The following TSPYL6 variants were observed in gnomAD, a reference collection of about 807,000 sequenced individuals.
TSPYL6 encodes testis-specific Y-encoded-like protein 6.
For synonymous variants in TSPYL6, 259 were observed against 214.8 expected (o/e 1.21, Z -1.80); for missense variants, 699 against 531.5 (o/e 1.32, Z -3.10).
At position 54,254,124 on chromosome 2, in the gene TSPYL6, C is replaced by G. The variant is rs532575055; in HGVS notation, c.*795G>C. On this transcript the variant is annotated 3_prime_UTR_variant, in exon 1 of 1. Coordinates refer to ENST00000317802, the MANE Select transcript of TSPYL6 (RefSeq NM_001003937.3). ...TTGTCAAGAACACCAACATATTAAC[C>G]TTGCCATGAGGATAGGGTCTGACAT... The G allele has an allele frequency of 1.3e-5, 2 of 152,314 alleles. No homozygotes were observed. The highest frequency in any genetic ancestry group is 3.9e-4 in the East Asian group (2 of 5,186). 9.4% of individuals were successfully genotyped at this position (152,314 alleles called of 1,614,324 possible). A position where few individuals can be genotyped will look rare whatever the true frequency, so the allele number is the denominator to read the frequency against.
At position 54,255,596 on chromosome 2, in the gene TSPYL6, C is replaced by G. The variant is rs202006037; in HGVS notation, c.556G>C (p.Glu186Gln). The G allele has an allele frequency of 1.4e-4, 227 of 1,613,622 alleles. No homozygotes were observed. The highest frequency in any genetic ancestry group is 7.0e-4 in the Admixed American group (42 of 60,010). Residue 186 changes from glutamate to glutamine, a missense_variant, in exon 1 of 1, where the codon GAG becomes CAG. Coordinates refer to ENST00000317802, the MANE Select transcript of TSPYL6 (RefSeq NM_001003937.3). ...ENRAIDEVNR[E>Q]AGPGPGPGPL... ...CCGGGCCCGGGCCCAGGCCCTGCCT[C>G]CCTGTTTACCTCATCTATTGCTCTG...
In TSPYL6 at chr2:54,254,061, G is replaced by A. The variant is rs1687362980; in HGVS notation, c.*858C>T. On this transcript the variant is annotated 3_prime_UTR_variant, in exon 1 of 1. Coordinates refer to ENST00000317802, the MANE Select transcript of TSPYL6 (RefSeq NM_001003937.3). ...AGGCAAATAAAGGTACCTAGATTTT[G>A]AATGAATCCACTGGTTGTGGCTGAG... 1 of 152,208 alleles carries A rather than the reference G, an allele frequency of 6.6e-6. No individual in the cohort carries two copies. Among genetic ancestry groups the A allele is most frequent in the South Asian group, 2.1e-4 (1 of 4,828 alleles). 9.4% of individuals were successfully genotyped at this position (152,208 alleles called of 1,614,324 possible).
At position 54,255,852 on chromosome 2, in the gene TSPYL6, C is replaced by G. The variant is rs6740641; in HGVS notation, c.300G>C (p.Ala100=). The G allele has an allele frequency of 3.5e-3, 5,650 of 1,613,852 alleles. 159 individuals are homozygous for G. The African/African-American group carries it at 0.063, about 18-fold the overall frequency. The change falls in exon 1 of 1, where the codon GCG becomes GCC. Residue 100 remains alanine (A), a synonymous_variant. Coordinates refer to ENST00000317802, the MANE Select transcript of TSPYL6 (RefSeq NM_001003937.3). ...VTPPPAEGLE[A]ASASLTTDGS... Reference sequence around the variant, plus strand: ...CGTCAGTTGTCAGCGAGGCAGAGGCCGCTTCTAGGCCCTCCGCGGGTGGTG... The same window carrying G: ...CGTCAGTTGTCAGCGAGGCAGAGGCGGCTTCTAGGCCCTCCGCGGGTGGTG...
rs1371311214 is a variant in TSPYL6 at position 54,255,074 on chromosome 2, G to C, written c.1078C>G (p.Pro360Ala). 2 of 1,614,024 alleles carry C rather than the reference G, an allele frequency of 1.2e-6. No homozygotes were observed. Among genetic ancestry groups the C allele is most frequent in the Admixed American group, 3.3e-5 (2 of 59,994 alleles). ...FFTWFSDHSL[P>A]ESDRIAQIIK... is the part of the protein sequence containing the mutation. The stretch of plus-strand genomic sequence containing the variant: ...ATCTGAGCAATCCTGTCGGACTCTG[G>C]AAGGCTGTGGTCTGAAAACCAGGTG... The change falls in exon 1 of 1, where the codon CCA becomes GCA. Residue 360 changes from proline (P) to alanine (A), a missense_variant. Transcript: ENST00000317802.
rs372726545 is a variant in TSPYL6 at position 54,255,240 on chromosome 2, G to A, written c.912C>T (p.Phe304=). The part of the protein sequence containing the change: ...FKFFFQRNPY[F]RNKLIVKVYE... Reference sequence around the variant, plus strand: ...ACACCTTTACAATCAGCTTGTTTCTGAAGTAAGGGTTTCTTTGAAAGAAGA... The same window carrying A: ...ACACCTTTACAATCAGCTTGTTTCTAAAGTAAGGGTTTCTTTGAAAGAAGA... The change falls in exon 1 of 1, where the codon TTC becomes TTT. Residue 304 remains phenylalanine, a synonymous_variant. Coordinates refer to ENST00000317802, the MANE Select transcript of TSPYL6 (RefSeq NM_001003937.3). 8.1e-6 allele frequency: 13 copies of A among 1,614,064 alleles called. No individual in the cohort carries two copies. Among genetic ancestry groups the A allele is most frequent in the African/African-American group, 8.0e-5 (6 of 74,918 alleles).
chr2:54,254,761 G>A lies in TSPYL6; in HGVS notation c.*158C>T. 1 of 672,976 alleles carries A rather than the reference G, an allele frequency of 1.5e-6. No homozygotes were observed. The highest frequency in any genetic ancestry group is 2.5e-6 in the Non-Finnish European group (1 of 405,300). The allele number at this position is 672,976 out of a possible 1,614,324, so 41.7% of individuals were successfully genotyped here. The stretch of plus-strand genomic sequence containing the variant: ...AAAGGGGAGCAGCACAGCCACCAAG[G>A]TCTCAATCTTCAGGTTGAGAGAACG... On this transcript the variant is annotated 3_prime_UTR_variant, in exon 1 of 1. Transcript: ENST00000317802.
At position 54,255,373 on chromosome 2, in the gene TSPYL6, G is replaced by C; in HGVS notation, c.779C>G (p.Pro260Arg). The change falls in exon 1 of 1, where the codon CCA becomes CGA. Residue 260 changes from proline (P) to arginine (R), a missense_variant. By Grantham distance (103) the Pro-to-Arg change is moderately radical. Transcript: ENST00000317802. Reference sequence around the variant, plus strand: ...GCCTCTAATCATGGCAGACAGCTGTGGGTGGTGGCGGAAAGCAGTGACCCA... The same window carrying C: ...GCCTCTAATCATGGCAGACAGCTGTCGGTGGTGGCGGAAAGCAGTGACCCA... ...GFWVTAFRHH[P>R]QLSAMIRGQD... The C allele has an allele frequency of 6.2e-7, 1 of 1,614,132 alleles. No homozygotes were observed. Among genetic ancestry groups the C allele is most frequent in the Non-Finnish European group, 8.5e-7 (1 of 1,180,026 alleles).
chr2:54,255,823 C>G lies in TSPYL6; in HGVS notation c.329G>C (p.Ser110Thr). 6.8e-6 allele frequency: 11 copies of G among 1,613,998 alleles called. No homozygotes were observed. Among genetic ancestry groups the G allele is most frequent in the Non-Finnish European group, 9.3e-6 (11 of 1,180,020 alleles). The change falls in exon 1 of 1, where the codon AGC (serine) becomes ACC (threonine). Residue 110 changes from serine to threonine, a missense_variant. By Grantham distance (58) the Ser-to-Thr change is moderately conservative. Transcript: ENST00000317802. ...AASASLTTDG[S>T]LKNGFPGEET... ...TTCACCCGGAAAGCCATTTTTGAGG[C>G]TGCCGTCAGTTGTCAGCGAGGCAGA...
In TSPYL6 at chr2:54,256,023, G is replaced by A. The variant is rs756812265; in HGVS notation, c.129C>T (p.Arg43=). ...GCGGTGGGAACACGATTGGCTCCAA[G>A]CGGCCATCAAACATATCTGCCATTA... The part of the protein sequence containing the change: ...TEVMADMFDG[R]LEPIVFPPPR... The change falls in exon 1 of 1, where the codon CGC becomes CGT. Residue 43 remains arginine, a synonymous_variant. Transcript: ENST00000317802. The A allele has an allele frequency of 3.7e-6, 6 of 1,614,178 alleles. No homozygotes were observed. The highest frequency in any genetic ancestry group is 5.1e-6 in the Non-Finnish European group (6 of 1,180,030).
Position 54,256,003 on chromosome 2 carries a change from G to C in TSPYL6, c.149C>G (p.Pro50Arg). The C allele has an allele frequency of 6.2e-7, 1 of 1,614,144 alleles. No individual in the cohort carries two copies. The highest frequency in any genetic ancestry group is 8.5e-7 in the Non-Finnish European group (1 of 1,180,036). The part of the protein sequence containing the change: ...FDGRLEPIVF[P>R]PPRLPEEGVA... ...CCCCTCCTCTGGAAGCCGGGGCGGT[G>C]GGAACACGATTGGCTCCAAGCGGCC... The change falls in exon 1 of 1, where the codon CCA becomes CGA. Residue 50 changes from proline (P) to arginine (R), a missense_variant. Coordinates refer to ENST00000317802, the MANE Select transcript of TSPYL6 (RefSeq NM_001003937.3).
Position 54,255,743 on chromosome 2 carries a change from A to G in TSPYL6, c.409T>C (p.Ser137Pro). 10 of 1,611,500 alleles carry G rather than the reference A, an allele frequency of 6.2e-6. No individual in the cohort carries two copies. The highest frequency in any genetic ancestry group is 8.5e-6 in the Non-Finnish European group (10 of 1,179,426). The stretch of plus-strand genomic sequence containing the variant: ...CCCTCTGCAATCACTTCAGACTCCG[A>G]CCTCCCTGCCCCACAGGTTTCTAGA... ...KALETCGAGR[S>P]ESEVIAEGKA... The change falls in exon 1 of 1, where the codon TCG becomes CCG. Residue 137 changes from serine to proline, a missense_variant. Coordinates refer to ENST00000317802, the MANE Select transcript of TSPYL6 (RefSeq NM_001003937.3).
chr2:54,253,681 T>G lies in TSPYL6; in HGVS notation c.*1238A>C, dbSNP rs1402023294. 1.3e-5 allele frequency: 2 copies of G among 152,258 alleles called. No individual in the cohort carries two copies. Among genetic ancestry groups the G allele is most frequent in the African/African-American group, 2.4e-5 (1 of 41,446 alleles). 9.4% of individuals were successfully genotyped at this position (152,258 alleles called of 1,614,324 possible). A position where few individuals can be genotyped will look rare whatever the true frequency, so the allele number is the denominator to read the frequency against. On this transcript the variant is annotated 3_prime_UTR_variant, in exon 1 of 1. Coordinates refer to ENST00000317802, the MANE Select transcript of TSPYL6 (RefSeq NM_001003937.3). ...ATCATTTCTGCCTTTTTGTTCAGTT[T>G]TCCCTGCCTAGAGCACCCATCACAA...
rs981114715 is a variant in TSPYL6 at position 54,256,217 on chromosome 2, C to A, written c.-66G>T. On this transcript the variant is annotated 5_prime_UTR_variant, in exon 1 of 1. Transcript: ENST00000317802. ...AGAGGTAGGTAGCGTCAACGTTCCT[C>A]ACACAAAATGGCGAGTAAACACCTC... 32 of 1,524,652 alleles carry A rather than the reference C, an allele frequency of 2.1e-5. No individual in the cohort carries two copies. Among genetic ancestry groups the A allele is most frequent in the Non-Finnish European group, 2.6e-5 (29 of 1,134,430 alleles). The allele number at this position is 1,524,652 out of a possible 1,614,324, so 94.4% of individuals were successfully genotyped here. A position where few individuals can be genotyped will look rare whatever the true frequency, so the allele number is the denominator to read the frequency against.
At position 54,254,874 on chromosome 2, in the gene TSPYL6, G is replaced by T. The variant is rs751504706; in HGVS notation, c.*45C>A. On this transcript the variant is annotated 3_prime_UTR_variant, in exon 1 of 1. Transcript: ENST00000317802. ...TGTTGCCCAAGCTCAGGTCCAGCTG[G>T]TGGTGGCAGGCAACCTTCTGCAGGA... The T allele has an allele frequency of 4.5e-6, 7 of 1,572,494 alleles. No homozygotes were observed. The highest frequency in any genetic ancestry group is 6.0e-6 in the Non-Finnish European group (7 of 1,163,394).
Position 54,255,909 on chromosome 2 carries a change from A to T in TSPYL6, c.243T>A (p.His81Gln), listed in dbSNP as rs747812434. 8 of 1,614,062 alleles carry T rather than the reference A, an allele frequency of 5.0e-6. No individual in the cohort carries two copies. Among genetic ancestry groups the T allele is most frequent in the Non-Finnish European group, 5.9e-6 (7 of 1,179,978 alleles). The change falls in exon 1 of 1, where the codon CAT (histidine) becomes CAA (glutamine). Residue 81 changes from histidine to glutamine, a missense_variant. By Grantham distance (24) the His-to-Gln change is conservative. Transcript: ENST00000317802. Reference protein sequence around the residue: ...FHILVDAGRSHGAIKAGQEVT... With the variant: ...FHILVDAGRSQGAIKAGQEVT... ...CTTCCTGCCCCGCTTTGATGGCTCCATGACTGCGACCCGCATCGACCAAGA... is the reference window on the plus strand; with the variant it reads ...CTTCCTGCCCCGCTTTGATGGCTCCTTGACTGCGACCCGCATCGACCAAGA...
chr2:54,255,719 C>G lies in TSPYL6; in HGVS notation c.433G>C (p.Gly145Arg). The change falls in exon 1 of 1, where the codon GGG (glycine) becomes CGG (arginine). Residue 145 changes from glycine (G) to arginine (R), a missense_variant. Transcript: ENST00000317802. ...TCAGGCTTCACGTCCTCGGCCTTCC[C>G]CTCTGCAATCACTTCAGACTCCGAC... ...GRSESEVIAE[G>R]KAEDVKPEEC... 6.2e-7 allele frequency: 1 copy of G among 1,614,026 alleles called. No homozygotes were observed. The highest frequency in any genetic ancestry group is 8.5e-7 in the Non-Finnish European group (1 of 1,180,040).
At position 54,254,966 on chromosome 2, in the gene TSPYL6, T is replaced by G. The variant is rs1428318169; in HGVS notation, c.1186A>C (p.Arg396=). 19 of 1,613,832 alleles carry G rather than the reference T, an allele frequency of 1.2e-5. No individual in the cohort carries two copies. The highest frequency in any genetic ancestry group is 1.6e-5 in the Non-Finnish European group (19 of 1,179,942). ...GGCCTGGGGATCTCCACTGGCTCCC[T>G]TACCAGGCGACGTCTAGCTCTATGG... ...DAHRARRRLV[R]EPVEIPRPFG... The change falls in exon 1 of 1, where the codon AGG becomes CGG. Residue 396 remains arginine, a synonymous_variant. Coordinates refer to ENST00000317802, the MANE Select transcript of TSPYL6 (RefSeq NM_001003937.3).
rs746148817 is a variant in TSPYL6 at position 54,255,422 on chromosome 2, T to C, written c.730A>G (p.Ile244Val). ...HEYYLEQRNDIIRNIPGFWVT... is the reference protein window; with the variant it reads ...HEYYLEQRNDVIRNIPGFWVT... ...CAGAAGCCCGGGATATTGCGAATGA[T>C]GTCATTCCTCTGCTCCAGGTAGTAT... Residue 244 changes from isoleucine to valine, a missense_variant, in exon 1 of 1, where the codon ATC becomes GTC. Ile to Val is a conservative substitution (Grantham distance 29). Coordinates refer to ENST00000317802, the MANE Select transcript of TSPYL6 (RefSeq NM_001003937.3). 12 of 1,613,846 alleles carry C rather than the reference T, an allele frequency of 7.4e-6. No individual in the cohort carries two copies. The highest frequency in any genetic ancestry group is 1.7e-5 in the Admixed American group (1 of 59,992).
At position 54,254,802 on chromosome 2, in the gene TSPYL6, G is replaced by T; in HGVS notation, c.*117C>A. The T allele has an allele frequency of 1.0e-6, 1 of 987,008 alleles. No individual in the cohort carries two copies. The highest frequency in any genetic ancestry group is 1.5e-6 in the Non-Finnish European group (1 of 673,346). 61.1% of individuals were successfully genotyped at this position (987,008 alleles called of 1,614,324 possible). ...TGAGAGAACGGAAAGTTTAAACAGA[G>T]GGTACAGGAAAGTCAGAACAAAAAA... On this transcript the variant is annotated 3_prime_UTR_variant, in exon 1 of 1. Coordinates refer to ENST00000317802, the MANE Select transcript of TSPYL6 (RefSeq NM_001003937.3).
Sources: gnomAD v4.1 joint callset for allele counts on GRCh38, gnomAD v4.1.1 for gene constraint, MANE v1.5 for transcripts, NCBI Gene and HGNC (gene_info 2026-07-23, HGNC 2026-07-21) for gene names.